SFMBT2: variants seen among roughly 807,000 people sequenced by gnomAD.
SFMBT2 encodes scm-like with four MBT domains protein 2.
A neutral mutation model predicts 110.1 loss-of-function variants in SFMBT2; 38 were observed. The observed-to-expected ratio is 0.35, with a 90% CI of 0.27 to 0.45. SFMBT2 has a LOEUF of 0.45. Ranked by LOEUF, SFMBT2 falls within the 20% of genes least tolerant of loss-of-function variation. The probability of loss-of-function intolerance (pLI) is 1.00; values close to 1 mark genes in which losing one functional copy is unlikely to be tolerated. For missense variants in SFMBT2, 1,011 were observed against 1,094.9 expected (o/e 0.92, Z 1.08); for synonymous variants, 425 against 425.4 (o/e 1.00, Z 0.01).
intron 20 of SFMBT2, among the ~76,000 whole-genome samples, chr10:7,168,349 A>C (rs1161329851): frequency 6.6e-6 from 1 of 152,222 alleles, no homozygotes; most frequent in Non-Finnish European, 1.5e-5. Context: ...GGATCTAGAA[A>C]TGAGAAATCT....
chr10:7,213,343 G>A (rs1839416427), intron 11 of SFMBT2, among the ~76,000 whole-genome samples: 1 of 152,208 alleles, frequency 6.6e-6, no homozygotes, highest in Non-Finnish European at 1.5e-5. Context: ...GCCCCATGAA[G>A]AGGGCAGAGA....
intron 4 of SFMBT2, among the ~76,000 whole-genome samples, chr10:7,321,784 G>A (rs1843198332): frequency 6.6e-6 from 1 of 152,054 alleles, no homozygotes; most frequent in Admixed American, 6.6e-5. Context: ...TACTCACCTG[G>A]GATGCTTGTC....
chr10:7,308,192 A>G (rs1260951139), intron 4 of SFMBT2, among the ~76,000 whole-genome samples: 1 of 152,114 alleles, frequency 6.6e-6, no homozygotes, highest in Non-Finnish European at 1.5e-5. Flanking sequence ...CCATCTCTAT[A>G]AAAACATTTT....
intron 4 of SFMBT2, among the ~76,000 whole-genome samples, chr10:7,289,591 C>T (rs1369534061): frequency 1.3e-5 from 2 of 152,016 alleles, no homozygotes; most frequent in African/African-American, 4.8e-5. Context: ...CCATGGTAGA[C>T]GTATCTATAA....
At chr10:7,226,645 C>T (rs1368445348) in intron 10 of SFMBT2, among the ~76,000 whole-genome samples, 1 of 152,224 alleles carries the variant, frequency 6.6e-6, no homozygotes, top group Non-Finnish European at 1.5e-5. Flanking sequence ...ACATTTAAGC[C>T]TAATTCTTAA....
chr10:7,214,078 G>A (rs1489900246), intron 11 of SFMBT2, among the ~76,000 whole-genome samples: 1 of 74,892 alleles, frequency 1.3e-5, no homozygotes, highest in African/African-American at 4.4e-5. Context: ...GGAAAGGAGT[G>A]GGAACATCCA....
chr10:7,261,134 A>T (rs749915668), intron 7 of SFMBT2, among the ~76,000 whole-genome samples: 26 of 152,168 alleles, frequency 1.7e-4, no homozygotes, highest in Admixed American at 1.0e-3. Context: ...GATGTGAGAT[A>T]GTATATGCAC....
At chr10:7,327,070 A>C (rs898075825) in intron 4 of SFMBT2, among the ~76,000 whole-genome samples, 21 of 150,798 alleles carry the variant, frequency 1.4e-4, no homozygotes. Context: ...TTTTGCCCCC[A>C]GTGCTTCCCT....
chr10:7,332,913 C>T (rs905435476), intron 4 of SFMBT2, among the ~76,000 whole-genome samples: 7 of 152,182 alleles, frequency 4.6e-5, no homozygotes, highest in Admixed American at 2.0e-4. Context: ...GTTGCCTAGG[C>T]GGGAGTGCAG....
intron 2 of SFMBT2, among the ~76,000 whole-genome samples, chr10:7,380,497 G>A (rs1292719841): frequency 6.6e-6 from 1 of 152,210 alleles, no homozygotes; most frequent in East Asian, 1.9e-4. Flanking sequence ...TCATCAAAAT[G>A]TGAAGACAAA....
At chr10:7,402,607 A>T (rs903368026) in intron 1 of SFMBT2, among the ~76,000 whole-genome samples, 7 of 152,216 alleles carry the variant, frequency 4.6e-5, no homozygotes, top group Admixed American at 4.6e-4. Context: ...TCCCTGGTCC[A>T]TTAAAAGAAG....
intron 4 of SFMBT2, among the ~76,000 whole-genome samples, chr10:7,311,058 A>C (rs1245036136): frequency 2.7e-5 from 4 of 150,050 alleles, no homozygotes; most frequent in African/African-American, 5.0e-5. Flanking sequence ...AAAAAAAAAA[A>C]AAAAACAAAA....
At chr10:7,280,812 T>C (rs541857446) in intron 6 of SFMBT2, among the ~76,000 whole-genome samples, 1 of 152,348 alleles carries the variant, frequency 6.6e-6, no homozygotes, top group African/African-American at 2.4e-5. Flanking sequence ...TCAATGGCCC[T>C]GTGTTTCTCA....
intron 4 of SFMBT2, among the ~76,000 whole-genome samples, chr10:7,330,479 A>ACC (rs924948722): frequency 1.3e-5 from 2 of 152,080 alleles, no homozygotes; most frequent in African/African-American, 4.8e-5. Flanking sequence ...AGGGACATAC[A>ACC]CCACCCACCC....
intron 20 of SFMBT2, among the ~76,000 whole-genome samples, chr10:7,166,474 C>T (rs182751411): frequency 6.6e-6 from 1 of 152,356 alleles, no homozygotes; most frequent in East Asian, 1.9e-4. Flanking sequence ...TGCAGATGCA[C>T]ACACTCATGT....
chr10:7,285,412 G>C (rs1842056731), intron 5 of SFMBT2: 1 of 152,394 alleles, frequency 6.6e-6, no homozygotes, highest in Admixed American at 6.5e-5. Context: ...GTTAACGTGT[G>C]TATGTTCAAA....
chr10:7,264,546 G>A (rs1365419912), intron 7 of SFMBT2, among the ~76,000 whole-genome samples: 1 of 152,154 alleles, frequency 6.6e-6, no homozygotes, highest in Non-Finnish European at 1.5e-5. Context: ...TTAGGAACTG[G>A]TCAGGGAGGT....
intron 4 of SFMBT2, among the ~76,000 whole-genome samples, chr10:7,342,137 C>T (rs1436836811): frequency 6.6e-6 from 1 of 150,988 alleles, no homozygotes; most frequent in Admixed American, 6.6e-5. Context: ...CCAAGGTCTC[C>T]AAGTGAAACA....
chr10:7,275,822 A>G (rs921957092), intron 7 of SFMBT2, among the ~76,000 whole-genome samples: 8 of 152,356 alleles, frequency 5.3e-5, no homozygotes, highest in Non-Finnish European at 8.8e-5. Flanking sequence ...AGGTGTCAGT[A>G]AAATCCAGGA....
Sources: gnomAD v4.1 joint callset for allele counts (sites outside exome capture counted in the v4.1 genomes callset) on GRCh38, gnomAD v4.1.1 for gene constraint, MANE v1.5 for transcripts, NCBI Gene and HGNC (gene_info 2026-07-23, HGNC 2026-07-21) for gene names.